Variants in AGMO observed in about 807,000 individuals in gnomAD.
The protein encoded by AGMO is alkylglycerol monooxygenase, also known as glyceryl-ether monooxygenase.
A neutral mutation model predicts 60.2 loss-of-function variants in AGMO; 75 were observed. The ratio of observed to expected loss-of-function variants is 1.25; its 90% CI spans 1.03 to 1.51. The LOEUF (loss-of-function observed/expected upper bound fraction) is 1.51, where lower values mean the gene tolerates loss of function less well. AGMO is among the 40% of genes most tolerant of loss of function. The pLI is 0.00. For synonymous variants in AGMO, 261 were observed against 177.1 expected (o/e 1.47, Z -3.76); for missense variants, 763 against 525.5 (o/e 1.45, Z -4.42).
At chr7:15,542,614 T>G (rs1380917181) in intron 3 of AGMO, among the ~76,000 whole-genome samples, 1 of 152,186 alleles carries the variant, frequency 6.6e-6, no homozygotes, top group Non-Finnish European at 1.5e-5. Context: ...TAGTACAATA[T>G]AAATGCCTTC....
At chr7:15,151,998 C>T in the AGMO span, among the ~76,000 whole-genome samples, 2 of 151,982 alleles carry the variant, frequency 1.3e-5, no homozygotes, top group Non-Finnish European at 2.9e-5. Context: ...CTGAAATATC[C>T]CAAATATTGT....
At position 15,560,277 on chromosome 7, in the gene AGMO, A is replaced by C. The variant is rs375193454; in HGVS notation, c.127-6T>G. 8 of 1,611,106 alleles carry C rather than the reference A, an allele frequency of 5.0e-6. No homozygotes were observed. The highest frequency in any genetic ancestry group is 5.9e-6 in the Non-Finnish European group (7 of 1,178,060). ...GAAATGAAAAATGGAGTTGCCTGGA[A>C]AGGAAGTTGCAGAAAAGAGATGCTA... is the stretch of plus-strand genomic sequence containing the variant. On this transcript the variant is annotated splice_region_variant and splice_polypyrimidine_tract_variant and intron_variant, in intron 1 of 12. Transcript: ENST00000342526.
intron 12 of AGMO, among the ~76,000 whole-genome samples, chr7:15,347,061 T>C (rs571637693): frequency 5.9e-5 from 9 of 152,146 alleles, no homozygotes; most frequent in South Asian, 2.1e-4. Flanking sequence ...AAGGTGAATG[T>C]AGGTACTACA....
chr7:15,331,425 G>A (rs1358524772), intron 12 of AGMO, among the ~76,000 whole-genome samples: 9 of 152,094 alleles, frequency 5.9e-5, no homozygotes, highest in African/African-American at 1.4e-4. Context: ...TATATAATGA[G>A]ATTTAAAAAT....
In AGMO at chr7:15,529,752, CTA is replaced by C. The variant is rs1412150172; in HGVS notation, c.409+15018_409+15019del. 3.7e-5 allele frequency among the ~76,000 whole-genome samples: 4 copies of C among 108,522 alleles called. 2 individuals are homozygous for C. In the South Asian group the frequency reaches 1.0e-3, roughly 28 times the overall value. The allele number at this position is 108,522 out of a possible 152,430, so 71.2% of individuals were successfully genotyped here. ...CTATATATATTCTATATATATATTT[CTA>C]TATATATATTTCTCTATATATATTT... is the stretch of plus-strand genomic sequence containing the variant. On this transcript the variant is annotated intron_variant, in intron 3 of 12. Coordinates refer to ENST00000342526, the MANE Select transcript of AGMO (RefSeq NM_001004320.2).
chr7:15,430,601 T>TA (rs1781202326), intron 4 of AGMO, among the ~76,000 whole-genome samples: 1 of 139,418 alleles, frequency 7.2e-6, no homozygotes, highest in South Asian at 2.3e-4. Flanking sequence ...AGTTGTTTTT[T>TA]TTAAAAAAAA....
the AGMO span, among the ~76,000 whole-genome samples, chr7:15,157,428 G>C: frequency 6.6e-6 from 1 of 152,180 alleles, no homozygotes; most frequent in East Asian, 1.9e-4. Flanking sequence ...GAAGAGGGCT[G>C]CATTTTGTAC....
At chr7:15,156,451 G>A in the AGMO span, among the ~76,000 whole-genome samples, 2 of 152,296 alleles carry the variant, frequency 1.3e-5, no homozygotes, top group South Asian at 2.1e-4. Flanking sequence ...CTAGAGCCTT[G>A]GGGCATGGGC....
chr7:15,145,444 G>T, the AGMO span, among the ~76,000 whole-genome samples: 1 of 151,864 alleles, frequency 6.6e-6, no homozygotes, highest in Admixed American at 6.6e-5. Flanking sequence ...AATAAAAATT[G>T]ACTATCTTCA....
At chr7:15,509,727 T>A (rs1443737283) in intron 3 of AGMO, among the ~76,000 whole-genome samples, 2 of 152,080 alleles carry the variant, frequency 1.3e-5, no homozygotes, top group Non-Finnish European at 2.9e-5. Flanking sequence ...AAAATCCAAA[T>A]GACCTGATTA....
intron 3 of AGMO, among the ~76,000 whole-genome samples, chr7:15,498,812 C>T (rs2389411): frequency 0.59 from 88,810 of 151,608 alleles, 27,364 homozygotes; most frequent in East Asian, 0.96. Flanking sequence ...CAGTGAGAAA[C>T]GTACTTTCTG....
chr7:15,487,590 T>C (rs1326153723), intron 3 of AGMO, among the ~76,000 whole-genome samples: 1 of 152,152 alleles, frequency 6.6e-6, no homozygotes, highest in East Asian at 1.9e-4. Flanking sequence ...TATGTTTAAA[T>C]GTTTCAAACT....
chr7:15,309,374 GCTCT>G (rs1563079685), intron 12 of AGMO, among the ~76,000 whole-genome samples: 2 of 151,992 alleles, frequency 1.3e-5, no homozygotes, highest in South Asian at 2.1e-4. Context: ...ATTCTTAACA[GCTCT>G]CTGTGTTGTG....
intron 10 of AGMO, among the ~76,000 whole-genome samples, chr7:15,380,449 A>T (rs1164667980): frequency 6.6e-6 from 1 of 152,114 alleles, no homozygotes; most frequent in East Asian, 1.9e-4. Flanking sequence ...GATACAGATA[A>T]CCAGGGAGGT....
intron 12 of AGMO, among the ~76,000 whole-genome samples, chr7:15,274,761 G>A (rs1465395440): frequency 6.6e-6 from 1 of 151,088 alleles, no homozygotes; most frequent in East Asian, 2.0e-4. Flanking sequence ...GGCATATTGA[G>A]AATTTCTAAT....
At position 15,521,479 on chromosome 7, in the gene AGMO, C is replaced by T. The variant is rs143284193; in HGVS notation, c.409+23293G>A. On this transcript the variant is annotated intron_variant, in intron 3 of 12. Coordinates refer to ENST00000342526, the MANE Select transcript of AGMO (RefSeq NM_001004320.2). The stretch of plus-strand genomic sequence containing the variant: ...TACTGGCAAACCAAATCCAGCAGCA[C>T]ATTAAAAAGCTTATCCCCCATGATC... 7.9e-3 allele frequency among the ~76,000 whole-genome samples: 1,210 copies of T among 152,240 alleles called. 16 individuals are homozygous for T. Among genetic ancestry groups the T allele is most frequent in the South Asian group, 0.045 (216 of 4,824 alleles).
At chr7:15,273,507 C>T (rs1344559043) in intron 12 of AGMO, among the ~76,000 whole-genome samples, 1 of 152,130 alleles carries the variant, frequency 6.6e-6, no homozygotes, top group African/African-American at 2.4e-5. Context: ...CAGTACCATG[C>T]TGTTTTGGTT....
intron 12 of AGMO, among the ~76,000 whole-genome samples, chr7:15,266,233 T>A (rs1207643427): frequency 6.6e-6 from 1 of 152,036 alleles, no homozygotes; most frequent in African/African-American, 2.4e-5. Context: ...ATAGGGAATG[T>A]TTAATTATCT....
chr7:15,235,503 C>T (rs192839895), intron 12 of AGMO, among the ~76,000 whole-genome samples: 1 of 152,236 alleles, frequency 6.6e-6, no homozygotes, highest in South Asian at 2.1e-4. Context: ...ATTAAAAATT[C>T]TCTTCAAATT....
Sources: allele counts gnomAD v4.1 joint callset (sites outside exome capture counted in the v4.1 genomes callset), GRCh38; gene constraint gnomAD v4.1.1; transcripts MANE v1.5; gene names NCBI Gene and HGNC (gene_info 2026-07-23, HGNC 2026-07-21).